The following PRKCB variants were observed in gnomAD, a reference collection of about 807,000 sequenced individuals.
PRKCB encodes protein kinase C beta.
PRKCB carries 13 observed loss-of-function variants against 81.5 expected under a neutral mutation model. That is an observed-to-expected ratio of 0.16 (90% CI 0.10 to 0.25). PRKCB has a LOEUF of 0.25. Among genes scored for constraint, PRKCB ranks in the 10% least tolerant of loss-of-function variants. The pLI is 1.00. For missense variants in PRKCB, 509 were observed against 875.7 expected (o/e 0.58, Z 5.29); for synonymous variants, 335 against 321.4 (o/e 1.04, Z -0.45).
At position 24,121,141 on chromosome 16, in the gene PRKCB, T is replaced by C. The variant is rs145413041; in HGVS notation, c.919-2694T>C. ...TGCATTTCATGATCCAGCCAGACGA[T>C]GTTTCATTCCTTGAATGTGTCTTCC... is the stretch of plus-strand genomic sequence containing the variant. On this transcript the variant is annotated intron_variant, in intron 8 of 16. Transcript: ENST00000643927. 3.9e-3 allele frequency among the ~76,000 whole-genome samples: 597 copies of C among 152,340 alleles called. 3 individuals are homozygous for C. Among genetic ancestry groups the C allele is most frequent in the Non-Finnish European group, 6.0e-3 (407 of 68,040 alleles).
At chr16:23,853,406 T>C (rs1962506883) in intron 2 of PRKCB, among the ~76,000 whole-genome samples, 1 of 152,164 alleles carries the variant, frequency 6.6e-6, no homozygotes, top group South Asian at 2.1e-4. Context: ...TCACAACAAC[T>C]TCAGCTGGGG....
At chr16:24,035,202 A>T (rs1965598026) in intron 4 of PRKCB, among the ~76,000 whole-genome samples, 2 of 152,140 alleles carry the variant, frequency 1.3e-5, no homozygotes, top group African/African-American at 4.8e-5. Flanking sequence ...GGAACAGACA[A>T]GTTCTACCTC....
intron 3 of PRKCB, among the ~76,000 whole-genome samples, chr16:24,016,142 T>C (rs926025474): frequency 1.7e-4 from 26 of 152,254 alleles, no homozygotes; most frequent in African/African-American, 6.3e-4. Context: ...CCTAGGGTTG[T>C]TGTTCCTAGA....
At chr16:24,021,028 C>CTTTCT (rs1965364177) in intron 3 of PRKCB, among the ~76,000 whole-genome samples, 1 of 140,328 alleles carries the variant, frequency 7.1e-6, no homozygotes, top group Non-Finnish European at 1.5e-5. Context: ...TTCTTTCTTT[C>CTTTCT]TTTCTTTCTT....
At chr16:23,948,700 C>T (rs1964236476) in intron 2 of PRKCB, among the ~76,000 whole-genome samples, 1 of 152,212 alleles carries the variant, frequency 6.6e-6, no homozygotes, top group Admixed American at 6.5e-5. Context: ...AGCCACCGTG[C>T]CTGGCCCTCC....
rs1479236159 is a variant in PRKCB at position 24,053,007 on chromosome 16, CTCTT to C, written c.529+17465_529+17468del. ...AAGACACTATTTTCAACTCTTTAAACTCTTTCTTCCAGCACTTGAGCTCTAAATT... is the reference window on the plus strand; with the variant it reads ...AAGACACTATTTTCAACTCTTTAAACTCTTCCAGCACTTGAGCTCTAAATT... On this transcript the variant is annotated intron_variant, in intron 5 of 16. Transcript: ENST00000643927. Among the ~76,000 whole-genome samples the C allele has an allele frequency of 2.6e-5, 4 of 152,236 alleles. No homozygotes were observed. The East Asian group carries it at 7.7e-4, about 29-fold the overall frequency.
At chr16:24,166,922 A>C (rs1967355999) in intron 10 of PRKCB, among the ~76,000 whole-genome samples, 1 of 152,092 alleles carries the variant, frequency 6.6e-6, no homozygotes, top group African/African-American at 2.4e-5. Context: ...CCTTACCTAC[A>C]GTGGAGCGAT....
chr16:24,143,158 A>G (rs994684451), intron 9 of PRKCB, among the ~76,000 whole-genome samples: 13 of 151,916 alleles, frequency 8.6e-5, no homozygotes, highest in African/African-American at 3.1e-4. Context: ...TTTGAGATGG[A>G]GTCTCACTCT....
chr16:23,979,005 G>C (rs1445722544), intron 2 of PRKCB, among the ~76,000 whole-genome samples: 1 of 152,186 alleles, frequency 6.6e-6, no homozygotes, highest in Non-Finnish European at 1.5e-5. Flanking sequence ...TCTTCAGAAG[G>C]TGATTTTTCC....
At chr16:23,971,648 G>A (rs62029570) in intron 2 of PRKCB, among the ~76,000 whole-genome samples, 11,849 of 152,210 alleles carry the variant, frequency 0.078, 661 homozygotes, top group South Asian at 0.15. Context: ...TAGCCCCCGC[G>A]AGGTTGCCCA....
At chr16:24,105,504 G>C (rs1416283387) in intron 7 of PRKCB, among the ~76,000 whole-genome samples, 2 of 152,110 alleles carry the variant, frequency 1.3e-5, no homozygotes, top group East Asian at 3.8e-4. Context: ...CATGCATTAG[G>C]TATTTGTCTT....
At chr16:23,907,283 C>T (rs899559941) in intron 2 of PRKCB, among the ~76,000 whole-genome samples, 19 of 152,320 alleles carry the variant, frequency 1.2e-4, no homozygotes, top group African/African-American at 4.6e-4. Flanking sequence ...GACCTCCCAT[C>T]CATTTCTTTT....
At chr16:24,072,223 A>C (rs1596536792) in intron 5 of PRKCB, among the ~76,000 whole-genome samples, 1 of 152,034 alleles carries the variant, frequency 6.6e-6, no homozygotes, top group African/African-American at 2.4e-5. Context: ...AGCAGTGACT[A>C]CCCATCCCTG....
chr16:23,975,150 T>C (rs1385908798), intron 2 of PRKCB, among the ~76,000 whole-genome samples: 1 of 152,182 alleles, frequency 6.6e-6, no homozygotes, highest in African/African-American at 2.4e-5. Flanking sequence ...ATTCAGTGAT[T>C]TTTGCAGTAT....
intron 7 of PRKCB, among the ~76,000 whole-genome samples, chr16:24,095,322 G>A (rs180902214): frequency 6.6e-6 from 1 of 152,270 alleles, no homozygotes; most frequent in East Asian, 1.9e-4. Context: ...AGTTTGGCAA[G>A]GAGTAGGGTG....
intron 2 of PRKCB, among the ~76,000 whole-genome samples, chr16:23,906,588 C>G (rs1963565328): frequency 6.6e-6 from 1 of 152,132 alleles, no homozygotes; most frequent in Non-Finnish European, 1.5e-5. Context: ...AGGCCTCTTA[C>G]TCAATGAGAT....
At chr16:23,971,355 G>A (rs1028984044) in intron 2 of PRKCB, among the ~76,000 whole-genome samples, 7 of 152,116 alleles carry the variant, frequency 4.6e-5, no homozygotes, top group East Asian at 1.9e-4. Flanking sequence ...TGTTTCCTAC[G>A]TGCTCCTTCT....
At chr16:24,147,083 C>T (rs113216741) in intron 9 of PRKCB, among the ~76,000 whole-genome samples, 17 of 151,726 alleles carry the variant, frequency 1.1e-4, no homozygotes, top group South Asian at 1.0e-3. Flanking sequence ...CTGAGGCGGG[C>T]GGATCACGAG....
chr16:23,836,397 CG>C, intron 1 of PRKCB, 49 bp downstream of exon 1: 2 of 1,583,832 alleles, frequency 1.3e-6, no homozygotes, highest in Non-Finnish European at 1.7e-6. Context: ...AGGGCAGCGC[CG>C]CGCCAGGGAC....
Sources: allele counts gnomAD v4.1 joint callset (sites outside exome capture counted in the v4.1 genomes callset), GRCh38; gene constraint gnomAD v4.1.1; transcripts MANE v1.5; gene names NCBI Gene and HGNC (gene_info 2026-07-23, HGNC 2026-07-21).